Variants in SENP2 observed in about 807,000 individuals in gnomAD.
The protein encoded by SENP2 is sentrin-specific protease 2.
A neutral mutation model predicts 86.3 loss-of-function variants in SENP2; 16 were observed. The ratio of observed to expected loss-of-function variants is 0.19; its 90% confidence interval spans 0.13 to 0.28. The LOEUF is 0.28. Ranked by LOEUF, SENP2 falls within the 10% of genes least tolerant of loss-of-function variation. The pLI is 1.00. For missense variants in SENP2, 552 were observed against 703.0 expected (o/e 0.79, Z 2.43); for synonymous variants, 222 against 238.7 (o/e 0.93, Z 0.64).
At chr3:185,599,597 G>T (rs371706218) in intron 4 of SENP2, among the ~76,000 whole-genome samples, 8 of 152,066 alleles carry the variant, frequency 5.3e-5, no homozygotes, top group South Asian at 2.1e-4. Context: ...TGTAAAGTTG[G>T]GGGGGAAGGA....
intron 16 of SENP2, among the ~76,000 whole-genome samples, 186 bp downstream of exon 16, chr3:185,626,579 C>T (rs531954802): frequency 2.0e-5 from 3 of 151,784 alleles, no homozygotes; most frequent in Admixed American, 6.6e-5. Flanking sequence ...TCAAGACCAG[C>T]CTGGCCAACA....
chr3:185,612,186 TG>T (rs1248198454), intron 8 of SENP2: 5 of 165,906 alleles, frequency 3.0e-5, no homozygotes, highest in Admixed American at 1.8e-4. Flanking sequence ...CAGCATTGAC[TG>T]GGGCTTATCT....
intron 11 of SENP2, among the ~76,000 whole-genome samples, chr3:185,614,993 A>G (rs1392724798): frequency 6.6e-6 from 1 of 152,228 alleles, no homozygotes; most frequent in East Asian, 1.9e-4. Context: ...CTTGGAATAC[A>G]ACAGATTCTT....
At chr3:185,622,102 A>G (rs1435427412) in intron 14 of SENP2, among the ~76,000 whole-genome samples, 197 bp downstream of exon 14, 1 of 152,214 alleles carries the variant, frequency 6.6e-6, no homozygotes, top group Non-Finnish European at 1.5e-5. Flanking sequence ...CAAGTTTGTC[A>G]TGTATTATGA....
At chr3:185,629,348 G>A (rs1041244307) in intron 16 of SENP2, among the ~76,000 whole-genome samples, 11 of 152,100 alleles carry the variant, frequency 7.2e-5, no homozygotes, top group Admixed American at 2.0e-4. Context: ...ATGCTGAGGC[G>A]GGCGGATCAC....
chr3:185,586,532 T>A lies in SENP2; in HGVS notation c.101+18T>A, dbSNP rs758589297. 6.2e-7 allele frequency: 1 copy of A among 1,605,834 alleles called. No homozygotes were observed. Among genetic ancestry groups the A allele is most frequent in the Non-Finnish European group, 8.5e-7 (1 of 1,175,830 alleles). The stretch of plus-strand genomic sequence containing the variant: ...TCAGACAGGTGAGACGAGAGGGGGC[T>A]GAGCGCCAGCCTGGCCTTACCCCCT... On this transcript the variant is annotated intron_variant, in intron 1 of 16. Transcript: ENST00000296257. The surrounding 1 kb of genome is among the most constrained non-coding windows in gnomAD (Gnocchi z 4.3).
chr3:185,614,720 G>T lies in SENP2; in HGVS notation c.1090G>T (p.Asp364Tyr), dbSNP rs772605303. 1.2e-6 allele frequency: 2 copies of T among 1,613,950 alleles called. No homozygotes were observed. The highest frequency in any genetic ancestry group is 1.3e-5 in the African/African-American group (1 of 74,926). Residue 364 changes from aspartate (D) to tyrosine (Y), a missense_variant, in exon 11 of 17, where the codon GAT (aspartate) becomes TAT (tyrosine). Asp to Tyr is a radical substitution (Grantham distance 160, BLOSUM62 -3). Around this residue, in one of 2 missense-constraint regions of SENP2, gnomAD observed 169 missense variants for 275.7 expected, o/e 0.61. Transcript: ENST00000296257. ...SGKERDRRTD[D>Y]LLELTEDMEK... ...CAAAGAGAGGGACAGAAGAACGGACGATCTCCTTGAACTTACAGAGGTATT... is the reference window on the plus strand; with the variant it reads ...CAAAGAGAGGGACAGAAGAACGGACTATCTCCTTGAACTTACAGAGGTATT...
chr3:185,627,860 C>T lies in SENP2; in HGVS notation c.1707+1467C>T, dbSNP rs574316302. ...TAAAGAATATTTTTCATCCACAGAC[C>T]TTATTTTGATAGATGTTGTCTACCA... On this transcript the variant is annotated intron_variant, in intron 16 of 16. Coordinates refer to ENST00000296257, the MANE Select transcript of SENP2 (RefSeq NM_021627.3). Among the ~76,000 whole-genome samples the T allele has an allele frequency of 3.3e-5, 5 of 152,260 alleles. No homozygotes were observed. In the South Asian group the frequency reaches 6.2e-4, roughly 19 times the overall value.
intron 1 of SENP2, among the ~76,000 whole-genome samples, chr3:185,587,402 G>A (rs1047548061): frequency 6.6e-6 from 1 of 151,976 alleles, no homozygotes; most frequent in South Asian, 2.1e-4. Context: ...GGAAGTGCTG[G>A]GACTGCAGGC....
chr3:185,621,156 CAAA>C (rs1206042436), intron 13 of SENP2, among the ~76,000 whole-genome samples: 1 of 39,054 alleles, frequency 2.6e-5, no homozygotes. Context: ...GATCTTGTCT[CAAA>C]AAAAAAAAAA....
At chr3:185,611,969 G>A (rs1015031121) in intron 8 of SENP2, among the ~76,000 whole-genome samples, 5 of 151,962 alleles carry the variant, frequency 3.3e-5, no homozygotes, top group South Asian at 4.1e-4. Context: ...CCAGCCTGGC[G>A]AACATGGTAA....
chr3:185,618,874 G>A (rs973401412), intron 12 of SENP2, among the ~76,000 whole-genome samples: 16 of 151,864 alleles, frequency 1.1e-4, no homozygotes, highest in African/African-American at 2.4e-4. Context: ...GCAAGACTCC[G>A]TCTCAAAAAA....
At chr3:185,623,842 A>AAAAAAAAAAAAAAAAAAAAAAAAAC (rs1712009122) in intron 14 of SENP2, among the ~76,000 whole-genome samples, 156 bp from the exon 15 acceptor site, 1 of 151,334 alleles carries the variant, frequency 6.6e-6, no homozygotes, top group Admixed American at 6.6e-5. Context: ...AAAAAAAAAA[A>AAAAAAAAAAAAAAAAAAAAAAAAAC]AAAAAAAATC....
At chr3:185,609,483 G>C in intron 7 of SENP2, 133 bp downstream of exon 7, 1 of 614,190 alleles carries the variant, frequency 1.6e-6, no homozygotes, top group Non-Finnish European at 2.8e-6. Flanking sequence ...CATTTGCCTG[G>C]ATATTTATCT....
At chr3:185,618,295 G>A (rs1240206919) in intron 12 of SENP2, among the ~76,000 whole-genome samples, 3 of 152,156 alleles carry the variant, frequency 2.0e-5, no homozygotes, top group Non-Finnish European at 2.9e-5. Context: ...TATACTATGT[G>A]TATTTTTCTT....
intron 1 of SENP2, among the ~76,000 whole-genome samples, chr3:185,588,054 T>C (rs1225137313): frequency 6.1e-5 from 7 of 114,482 alleles, no homozygotes; most frequent in African/African-American, 2.4e-4. Context: ...CGGCTAATTT[T>C]TTTTTTTTTT....
At chr3:185,627,981 A>G (rs186074037) in intron 16 of SENP2, among the ~76,000 whole-genome samples, 184 of 152,344 alleles carry the variant, frequency 1.2e-3, no homozygotes, top group African/African-American at 4.3e-3. Flanking sequence ...TAATTCCAGT[A>G]AAAAATAAAG....
intron 9 of SENP2, 26 bp downstream of exon 9, chr3:185,612,684 C>T: frequency 1.3e-6 from 2 of 1,515,844 alleles, no homozygotes; most frequent in Non-Finnish European, 1.8e-6. Context: ...TCATTCTACA[C>T]TTTCTTTTAA....
intron 11 of SENP2, among the ~76,000 whole-genome samples, chr3:185,615,569 C>G (rs535461552): frequency 1.3e-5 from 2 of 152,084 alleles, no homozygotes; most frequent in Non-Finnish European, 2.9e-5. Context: ...GTCTCGAACT[C>G]CTGACCTTAG....
Sources: allele counts gnomAD v4.1 joint callset (sites outside exome capture counted in the v4.1 genomes callset), GRCh38; gene constraint gnomAD v4.1.1; regional missense constraint gnomAD v4.1.1; non-coding constraint Gnocchi (gnomAD v3.1); transcripts MANE v1.5; gene names NCBI Gene and HGNC (gene_info 2026-07-23, HGNC 2026-07-21).